UNC5C: variants seen among roughly 807,000 people sequenced by gnomAD.
UNC5C encodes unc-5 netrin receptor C.
UNC5C carries 47 observed loss-of-function variants against 99.8 expected under a neutral mutation model. That is an observed-to-expected ratio of 0.47 (90% CI 0.37 to 0.60). The LOEUF is 0.60. Ranked by LOEUF, UNC5C falls within the 20% of genes least tolerant of loss-of-function variation. The pLI is 0.00. For synonymous variants in UNC5C, 487 were observed against 452.2 expected, an observed-to-expected ratio of 1.08 and a Z score of -0.98; for missense variants, 1,062 against 1,165.9, an observed-to-expected ratio of 0.91 and a Z score of 1.30.
At position 95,225,593 on chromosome 4, in the gene UNC5C, AAAATT is replaced by A. The variant is rs1324586210; in HGVS notation, c.1109-5422_1109-5418del. ...TTCTGAATGAAAATAAAATATTAAAAAAATTAAATATCGCCTCACTCTAAAATATT... is the reference window on the plus strand; with the variant it reads ...TTCTGAATGAAAATAAAATATTAAAAAAATATCGCCTCACTCTAAAATATT... On this transcript the variant is annotated intron_variant, in intron 7 of 15. Coordinates refer to ENST00000453304, the MANE Select transcript of UNC5C (RefSeq NM_003728.4). Among the ~76,000 whole-genome samples the A allele has an allele frequency of 3.9e-5, 6 of 152,244 alleles. No individual in the cohort carries two copies. The South Asian group carries it at 1.2e-3, about 32-fold the overall frequency.
rs1722790522 is a variant in UNC5C, at chr4:95,536,649, T to A, written c.124+12085A>T. Among the ~76,000 whole-genome samples, 2 of 152,152 alleles carry A rather than the reference T, an allele frequency of 1.3e-5. 1 individual carries two copies. Among genetic ancestry groups the A allele is most frequent in the South Asian group, 4.1e-4 (2 of 4,830 alleles). On this transcript the variant is annotated intron_variant, in intron 1 of 15. Transcript: ENST00000453304. ...TTCTTTATTCATTTCACAATAGAAT[T>A]AAGTTTTATGCAATACAAAAGGAAA...
At chr4:95,370,008 G>GA (rs1288643747) in intron 1 of UNC5C, among the ~76,000 whole-genome samples, 1 of 151,774 alleles carries the variant, frequency 6.6e-6, no homozygotes, top group African/African-American at 2.4e-5. Flanking sequence ...TTTAGAGGTA[G>GA]AAAAAAACTA....
At position 95,424,518 on chromosome 4, in the gene UNC5C, CTTTTT is replaced by C. The variant is rs536039867; in HGVS notation, c.125-88892_125-88888del. Among the ~76,000 whole-genome samples, 37 of 67,962 alleles carry C rather than the reference CTTTTT, an allele frequency of 5.4e-4. No individual in the cohort carries two copies. In the East Asian group the frequency reaches 0.013, roughly 24 times the overall value. 44.6% of individuals were successfully genotyped at this position (67,962 alleles called of 152,430 possible). ...GGCTTCAGAATTTTTTTTTTCTTTT[CTTTTT>C]TTTTTTTTTTTTTTTTGAGACAGCT... On this transcript the variant is annotated intron_variant, in intron 1 of 15. Coordinates refer to ENST00000453304, the MANE Select transcript of UNC5C (RefSeq NM_003728.4).
chr4:95,485,834 C>T (rs1167024754), intron 1 of UNC5C, among the ~76,000 whole-genome samples: 6 of 151,620 alleles, frequency 4.0e-5, no homozygotes, highest in Admixed American at 4.0e-4. Flanking sequence ...ATGCTCTACT[C>T]AGATCGTCAC....
At chr4:95,227,311 A>G (rs1408905377) in intron 7 of UNC5C, among the ~76,000 whole-genome samples, 1 of 151,298 alleles carries the variant, frequency 6.6e-6, no homozygotes, top group African/African-American at 2.4e-5. Context: ...CACCACACCC[A>G]GGCTATTTAA....
chr4:95,302,644 C>T (rs1398781918), intron 2 of UNC5C, among the ~76,000 whole-genome samples: 1 of 152,162 alleles, frequency 6.6e-6, no homozygotes, highest in African/African-American at 2.4e-5. Flanking sequence ...TTGAGGGAAC[C>T]AGCAGAACAC....
intron 1 of UNC5C, among the ~76,000 whole-genome samples, chr4:95,420,159 A>G (rs542706475): frequency 2.6e-5 from 4 of 152,340 alleles, no homozygotes; most frequent in Non-Finnish European, 4.4e-5. Context: ...ACGATGGATC[A>G]GGTTAAACGT....
In UNC5C at chr4:95,357,803, AAAAC is replaced by A. The variant is rs200606421; in HGVS notation, c.125-22176_125-22173del. 8.7e-3 allele frequency among the ~76,000 whole-genome samples: 1,329 copies of A among 152,242 alleles called. 24 individuals carry two copies. The highest frequency in any genetic ancestry group is 0.029 in the African/African-American group (1,218 of 41,524). On this transcript the variant is annotated intron_variant, in intron 1 of 15. Transcript: ENST00000453304. ...AGGGCCCTGTCTCAAAACAAAAACA[AAAAC>A]AAAAATGACAACCACAAAAAACACT...
intron 1 of UNC5C, among the ~76,000 whole-genome samples, chr4:95,496,798 A>G (rs755862652): frequency 6.6e-6 from 1 of 151,884 alleles, no homozygotes; most frequent in Non-Finnish European, 1.5e-5. Flanking sequence ...CAAGAAATGT[A>G]CACCATACCC....
At chr4:95,372,332 T>G (rs1446207159) in intron 1 of UNC5C, among the ~76,000 whole-genome samples, 1 of 152,178 alleles carries the variant, frequency 6.6e-6, no homozygotes, top group Non-Finnish European at 1.5e-5. Flanking sequence ...GCTTAATACA[T>G]TTAGAAGAAC....
At position 95,270,452 on chromosome 4, in the gene UNC5C, A is replaced by T. The variant is rs180944933; in HGVS notation, c.594+7807T>A. ...AATATAGCCAAAGGATAAAAATACC[A>T]AGTGGAAACTAGTGGCATTTTGCTC... On this transcript the variant is annotated intron_variant, in intron 4 of 15. Coordinates refer to ENST00000453304, the MANE Select transcript of UNC5C (RefSeq NM_003728.4). Among the ~76,000 whole-genome samples the T allele has an allele frequency of 3.1e-3, 466 of 152,336 alleles. 3 individuals carry two copies. Among genetic ancestry groups the T allele is most frequent in the South Asian group, 6.6e-3 (32 of 4,830 alleles).
chr4:95,407,140 T>C (rs1296674460), intron 1 of UNC5C, among the ~76,000 whole-genome samples: 1 of 152,144 alleles, frequency 6.6e-6, no homozygotes, highest in Non-Finnish European at 1.5e-5. Context: ...TCAAAAACAC[T>C]GAATATGAAA....
chr4:95,395,204 T>G (rs573832450), intron 1 of UNC5C, among the ~76,000 whole-genome samples: 1 of 152,178 alleles, frequency 6.6e-6, no homozygotes, highest in Admixed American at 6.5e-5. Context: ...TAGAATAAAA[T>G]GCTAATCGGA....
chr4:95,240,651 C>A (rs538080080), intron 7 of UNC5C, among the ~76,000 whole-genome samples: 82 of 152,180 alleles, frequency 5.4e-4, no homozygotes, highest in African/African-American at 1.9e-3. Context: ...AACAAACAAA[C>A]AACTAAAAAA....
At chr4:95,265,853 A>G (rs1579281021) in intron 4 of UNC5C, among the ~76,000 whole-genome samples, 1 of 152,120 alleles carries the variant, frequency 6.6e-6, no homozygotes, top group Non-Finnish European at 1.5e-5. Flanking sequence ...CACCTGTACA[A>G]ATGGAGGGTG....
chr4:95,229,106 A>T (rs762714609), intron 7 of UNC5C, among the ~76,000 whole-genome samples: 11 of 152,166 alleles, frequency 7.2e-5, no homozygotes, highest in Admixed American at 1.3e-4. Context: ...TAATTGGAGG[A>T]GCTCTACACA....
chr4:95,169,360 G>T lies in UNC5C; in HGVS notation c.2670C>A (p.Gly890=), dbSNP rs142912978. Residue 890 remains glycine (G), a synonymous_variant, in exon 16 of 16, where the codon GGC becomes GGA. Transcript: ENST00000453304. ...GTGCTTCCCAAAGATCCAGGATTAC[G>T]CCAGTTGGGCTGGATTTGGTGGCAA... ...NYFATKSSPT[G]VILDLWEAQN... 6.2e-6 allele frequency: 10 copies of T among 1,614,072 alleles called. No homozygotes were observed. The highest frequency in any genetic ancestry group is 5.3e-5 in the African/African-American group (4 of 74,920).
In UNC5C at chr4:95,216,221, A is replaced by G. The variant is rs374120315; in HGVS notation, c.1646-10T>C. ...ATCAGCAAGCTGACTCCTGAATAGC[A>G]AAAGAGAAAAGCAGTCATTTAAGAC... On this transcript the variant is annotated splice_polypyrimidine_tract_variant and intron_variant, in intron 9 of 15. Coordinates refer to ENST00000453304, the MANE Select transcript of UNC5C (RefSeq NM_003728.4). The G allele has an allele frequency of 2.9e-5, 46 of 1,608,196 alleles. No homozygotes were observed. The highest frequency in any genetic ancestry group is 3.9e-5 in the Non-Finnish European group (46 of 1,177,394).
rs370576857 is a variant in UNC5C, at chr4:95,380,522, C to T, written c.125-44891G>A. On this transcript the variant is annotated intron_variant, in intron 1 of 15. Coordinates refer to ENST00000453304, the MANE Select transcript of UNC5C (RefSeq NM_003728.4). ...CTCGAACTCCTGGCCTCAAGCCATC[C>T]TGCCTCAGCCTCCCAAATCACCAGA... Among the ~76,000 whole-genome samples, 4 of 151,444 alleles carry T rather than the reference C, an allele frequency of 2.6e-5. No individual in the cohort carries two copies. The East Asian group carries it at 7.8e-4, about 29-fold the overall frequency.
Sources: gnomAD v4.1 joint callset for allele counts (sites outside exome capture counted in the v4.1 genomes callset) on GRCh38, gnomAD v4.1.1 for gene constraint, MANE v1.5 for transcripts, NCBI Gene and HGNC (gene_info 2026-07-23, HGNC 2026-07-21) for gene names.